The following ORC4 variants were observed in gnomAD, a reference collection of about 807,000 sequenced individuals.
ORC4 encodes origin recognition complex subunit 4.
ORC4 carries 55 observed loss-of-function variants against 63.9 expected under a neutral mutation model. The ratio of observed to expected loss-of-function variants is 0.86; its 90% CI spans 0.69 to 1.08. The LOEUF (loss-of-function observed/expected upper bound fraction) is 1.08, where lower values mean the gene tolerates loss of function less well. ORC4 is among the 50% of genes least tolerant of loss of function. The probability of loss-of-function intolerance (pLI) is 0.00; values close to 1 mark genes in which losing one functional copy is unlikely to be tolerated. For missense variants in ORC4, 511 were observed against 504.4 expected (o/e 1.01, Z -0.13); for synonymous variants, 150 against 168.5 (o/e 0.89, Z 0.85).
At chr2:147,974,979 A>G (rs1690456354) in intron 2 of ORC4, among the ~76,000 whole-genome samples, 1 of 152,198 alleles carries the variant, frequency 6.6e-6, no homozygotes, top group Admixed American at 6.5e-5. Context: ...ATATTAAGTC[A>G]GCTGTACATG....
At position 147,973,307 on chromosome 2, in the gene ORC4, C is replaced by G; in HGVS notation, c.134+141G>C. 6 of 673,076 alleles carry G rather than the reference C, an allele frequency of 8.9e-6. No individual in the cohort carries two copies. In the South Asian group the frequency reaches 1.0e-4, roughly 12 times the overall value. 41.7% of individuals were successfully genotyped at this position (673,076 alleles called of 1,614,324 possible). On this transcript the variant is annotated intron_variant, in intron 3 of 13. Coordinates refer to ENST00000392857, the MANE Select transcript of ORC4 (RefSeq NM_181741.4). The stretch of plus-strand genomic sequence containing the variant: ...TCCTGCTTCATGCTATGTGGTGTTT[C>G]TATTCACAAAGCAAAATTTTTTATT...
At chr2:147,962,318 T>C (rs1051999560) in intron 4 of ORC4, among the ~76,000 whole-genome samples, 1 of 152,132 alleles carries the variant, frequency 6.6e-6, no homozygotes, top group African/African-American at 2.4e-5. Context: ...AGCAGTTGCA[T>C]TGCTCCAGAT....
intron 1 of ORC4, among the ~76,000 whole-genome samples, chr2:147,999,805 C>T (rs1213722426): frequency 1.3e-5 from 2 of 152,004 alleles, no homozygotes; most frequent in Admixed American, 6.6e-5. Context: ...TCAATGATTG[C>T]TACATAGCTG....
At chr2:147,998,156 A>C (rs1692082183) in intron 1 of ORC4, among the ~76,000 whole-genome samples, 1 of 152,248 alleles carries the variant, frequency 6.6e-6, no homozygotes, top group South Asian at 2.1e-4. Context: ...TATCTGTATT[A>C]GATATTTTTG....
At chr2:147,988,505 G>A (rs1691367496) in intron 1 of ORC4, among the ~76,000 whole-genome samples, 1 of 151,816 alleles carries the variant, frequency 6.6e-6, no homozygotes, top group African/African-American at 2.4e-5. Flanking sequence ...TTACAGGCAT[G>A]TGCCACCATG....
intron 2 of ORC4, 62 bp downstream of exon 2, chr2:147,975,840 C>T (rs1690518591): frequency 2.1e-6 from 2 of 968,460 alleles, no homozygotes; most frequent in Non-Finnish European, 3.4e-6. Context: ...AAGAAGATAA[C>T]TATTTCTCTG....
intron 4 of ORC4, among the ~76,000 whole-genome samples, chr2:147,972,323 A>C (rs1310495530): frequency 6.6e-6 from 1 of 152,176 alleles, no homozygotes; most frequent in Non-Finnish European, 1.5e-5. Context: ...TCCCTAACCT[A>C]TAACAAAGGG....
intron 9 of ORC4, chr2:147,947,810 A>T: frequency 3.3e-6 from 1 of 302,074 alleles, no homozygotes. Context: ...GTTTACTTCA[A>T]ACTAATAACA....
intron 1 of ORC4, among the ~76,000 whole-genome samples, chr2:148,004,048 A>G (rs1211399854): frequency 6.6e-6 from 1 of 152,154 alleles, no homozygotes; most frequent in Non-Finnish European, 1.5e-5. Context: ...AATACAACTT[A>G]TAAGGGATGT....
intron 4 of ORC4, among the ~76,000 whole-genome samples, chr2:147,959,488 A>G (rs1353944887): frequency 6.6e-6 from 1 of 152,018 alleles, no homozygotes; most frequent in Admixed American, 6.6e-5. Flanking sequence ...AACTGGGAAA[A>G]GCAGTTGTAT....
At chr2:147,985,438 C>T (rs887433695) in intron 1 of ORC4, among the ~76,000 whole-genome samples, 5 of 152,142 alleles carry the variant, frequency 3.3e-5, no homozygotes, top group Admixed American at 2.0e-4. Flanking sequence ...CCTCGTGATC[C>T]GCCTGCCTCG....
Position 147,946,522 on chromosome 2 carries a change from A to G in ORC4, c.762+1529T>C, listed in dbSNP as rs539406746. Among the ~76,000 whole-genome samples the G allele has an allele frequency of 2.6e-5, 4 of 152,190 alleles. No homozygotes were observed. The South Asian group carries it at 8.3e-4, about 32-fold the overall frequency. On this transcript the variant is annotated intron_variant, in intron 9 of 13. Transcript: ENST00000392857. Reference sequence around the variant, plus strand: ...AGGGGACAATGTGGGAGTACCAACTACAAAGAAGGTGCTCCTATAGATGGA... The same window carrying G: ...AGGGGACAATGTGGGAGTACCAACTGCAAAGAAGGTGCTCCTATAGATGGA...
intron 2 of ORC4, among the ~76,000 whole-genome samples, chr2:147,975,254 T>G (rs199737052): frequency 6.6e-6 from 1 of 152,110 alleles, no homozygotes; most frequent in Non-Finnish European, 1.5e-5. Context: ...TGCTCAGCAC[T>G]TGGAATACAA....
At chr2:147,998,099 T>C (rs568738312) in intron 1 of ORC4, among the ~76,000 whole-genome samples, 3 of 152,298 alleles carry the variant, frequency 2.0e-5, no homozygotes, top group East Asian at 3.9e-4. Context: ...AAACAAACCA[T>C]ACAAGTGGTC....
chr2:147,960,475 G>A lies in ORC4; in HGVS notation c.226-1609C>T, dbSNP rs143153716. Reference sequence around the variant, plus strand: ...CATTATACACTAAAAATATTTAGTTGGTTATTAATATCACACTGACCAACA... The same window carrying A: ...CATTATACACTAAAAATATTTAGTTAGTTATTAATATCACACTGACCAACA... On this transcript the variant is annotated intron_variant, in intron 4 of 13. Transcript: ENST00000392857. 4.9e-4 allele frequency: 242 copies of A among 496,816 alleles called. 1 individual carries two copies. Among genetic ancestry groups the A allele is most frequent in the Non-Finnish European group, 5.9e-4 (227 of 383,840 alleles). The allele number at this position is 496,816 out of a possible 1,614,324, so 30.8% of individuals were successfully genotyped here.
rs1269708613 is a variant in ORC4 at position 147,932,028 on chromosome 2, G to T, written c.*3482C>A. The T allele has an allele frequency of 3.3e-5, 5 of 152,056 alleles. No individual in the cohort carries two copies. Among genetic ancestry groups the T allele is most frequent in the African/African-American group, 7.2e-5 (3 of 41,400 alleles). The allele number at this position is 152,056 out of a possible 1,614,324, so 9.4% of individuals were successfully genotyped here. A position where few individuals can be genotyped will look rare whatever the true frequency, so the allele number is the denominator to read the frequency against. ...GAGGAAGTCAAATTGTCCGTTTGCA[G>T]ACGACATGATTGTATATCTAGAAAA... On this transcript the variant is annotated 3_prime_UTR_variant, in exon 14 of 14. Transcript: ENST00000392857.
chr2:148,018,418 C>T (rs147999802), intron 1 of ORC4, among the ~76,000 whole-genome samples: 119 of 152,206 alleles, frequency 7.8e-4, no homozygotes, highest in Admixed American at 1.3e-3. Context: ...GATAAACATA[C>T]GTACTCTACA....
intron 1 of ORC4, among the ~76,000 whole-genome samples, chr2:147,996,225 A>AC (rs1691964201): frequency 6.6e-6 from 1 of 152,054 alleles, no homozygotes; most frequent in African/African-American, 2.4e-5. Context: ...AACCACTTGA[A>AC]CCCGGGAGGT....
intron 1 of ORC4, among the ~76,000 whole-genome samples, chr2:147,996,979 T>G (rs993492354): frequency 2.0e-5 from 3 of 152,200 alleles, no homozygotes; most frequent in African/African-American, 4.8e-5. Flanking sequence ...TTATTTATAA[T>G]TGCCAAAACT....
Sources: allele counts gnomAD v4.1 joint callset (sites outside exome capture counted in the v4.1 genomes callset), GRCh38; gene constraint gnomAD v4.1.1; transcripts MANE v1.5; gene names NCBI Gene and HGNC (gene_info 2026-07-23, HGNC 2026-07-21).